The following GPATCH1 variants were observed in gnomAD, a reference collection of about 807,000 sequenced individuals.
GPATCH1 encodes G-patch domain containing 1, also known as G patch domain-containing protein 1.
In GPATCH1, 73 loss-of-function variants were observed where a neutral mutation model predicts 114.9. The observed-to-expected ratio is 0.64, with a 90% CI of 0.53 to 0.77. GPATCH1 has a LOEUF of 0.77. GPATCH1 is among the 30% of genes least tolerant of loss of function. The probability of loss-of-function intolerance (pLI) is 0.00; values close to 1 mark genes in which losing one functional copy is unlikely to be tolerated. For missense variants in GPATCH1, 1,058 were observed against 1,144.3 expected (o/e 0.92, Z 1.09); for synonymous variants, 391 against 428.4 (o/e 0.91, Z 1.08).
chr19:33,110,501 A>G (rs1200879366), intron 11 of GPATCH1, among the ~76,000 whole-genome samples: 2 of 152,212 alleles, frequency 1.3e-5, no homozygotes, highest in East Asian at 1.9e-4. Flanking sequence ...GAATGAGGAA[A>G]GGGGTTGCTG....
Position 33,093,520 on chromosome 19 carries a change from G to A in GPATCH1, c.455+1G>A. ...TTGATGACCTCATAACGCCAGCAAA[G>A]TGAGCATTTCCTTCTGACTGTCATG... is the stretch of plus-strand genomic sequence containing the variant. On this transcript the variant is annotated splice_donor_variant, in intron 4 of 19. Coordinates refer to ENST00000170564, the MANE Select transcript of GPATCH1 (RefSeq NM_018025.3). LOFTEE classifies it high-confidence loss of function. 1 of 1,610,230 alleles carries A rather than the reference G, an allele frequency of 6.2e-7. No homozygotes were observed. The highest frequency in any genetic ancestry group is 1.1e-5 in the South Asian group (1 of 90,364).
At chr19:33,083,861 A>T (rs951344889) in intron 1 of GPATCH1, among the ~76,000 whole-genome samples, 3 of 151,158 alleles carry the variant, frequency 2.0e-5, no homozygotes, top group Non-Finnish European at 4.4e-5. Context: ...CCAGGCTGGC[A>T]TGCAATGGTG....
At position 33,126,710 on chromosome 19, in the gene GPATCH1, G is replaced by A. The variant is rs924513783; in HGVS notation, c.2742G>A (p.Val914=). ...AGAGTGACGAGGAAACCGCAGACGT[G>A]TCGCCCCAGGAGCTGCTGAGACGGT... is the stretch of plus-strand genomic sequence containing the variant. ...DSQSDEETAD[V]SPQELLRRLK... The change falls in exon 19 of 20, where the codon GTG becomes GTA. Residue 914 remains valine (V), a synonymous_variant. Coordinates refer to ENST00000170564, the MANE Select transcript of GPATCH1 (RefSeq NM_018025.3). 6.2e-7 allele frequency: 1 copy of A among 1,613,524 alleles called. No individual in the cohort carries two copies. The highest frequency in any genetic ancestry group is 8.5e-7 in the Non-Finnish European group (1 of 1,179,942).
chr19:33,084,053 G>T (rs1383231369), intron 1 of GPATCH1, among the ~76,000 whole-genome samples: 2 of 151,636 alleles, frequency 1.3e-5, no homozygotes, highest in Non-Finnish European at 2.9e-5. Context: ...CAGGTGATCT[G>T]CCTGCCTCGG....
In GPATCH1 at chr19:33,112,573, C is replaced by A; in HGVS notation, c.1852C>A (p.Leu618Ile). 6.2e-7 allele frequency: 1 copy of A among 1,613,744 alleles called. No individual in the cohort carries two copies. The highest frequency in any genetic ancestry group is 8.5e-7 in the Non-Finnish European group (1 of 1,179,744). The stretch of plus-strand genomic sequence containing the variant: ...CACGTTTGAGTGGCACCCTGACAAG[C>A]TTCTATGTAAGAGATTTAATGTCCC... ...RDTFEWHPDKLLCKRFNVPDP... is the reference protein window; with the variant it reads ...RDTFEWHPDKILCKRFNVPDP... Residue 618 changes from leucine to isoleucine, a missense_variant, in exon 13 of 20, where the codon CTT becomes ATT. Coordinates refer to ENST00000170564, the MANE Select transcript of GPATCH1 (RefSeq NM_018025.3).
Position 33,125,065 on chromosome 19 carries a change from G to A in GPATCH1, c.2522-40G>A, listed in dbSNP as rs199838606. 1,762 of 1,561,396 alleles carry A rather than the reference G, an allele frequency of 1.1e-3. 4 individuals carry two copies. Among genetic ancestry groups the A allele is most frequent in the Non-Finnish European group, 1.4e-3 (1,669 of 1,153,148 alleles). On this transcript the variant is annotated intron_variant, in intron 17 of 19. Coordinates refer to ENST00000170564, the MANE Select transcript of GPATCH1 (RefSeq NM_018025.3). ...TTAGTTTTGGATAGTCTTTGTTTTCGTGCTATATAGGTCCTGTGTTTATTA... is the reference window on the plus strand; with the variant it reads ...TTAGTTTTGGATAGTCTTTGTTTTCATGCTATATAGGTCCTGTGTTTATTA...
rs552756585 is a variant in GPATCH1 at position 33,095,691 on chromosome 19, C to T, written c.554-71C>T. 6.3e-5 allele frequency: 65 copies of T among 1,030,442 alleles called. No homozygotes were observed. The Middle Eastern group carries it at 8.2e-4, about 13-fold the overall frequency. 63.8% of individuals were successfully genotyped at this position (1,030,442 alleles called of 1,614,324 possible). On this transcript the variant is annotated intron_variant, in intron 5 of 19. Transcript: ENST00000170564. ...TGCTGGGATTACAGGTGTGATCCAC[C>T]GCGCCCGGCCTGGTCGGGGTTTTCT...
chr19:33,110,292 T>C (rs1464700984), intron 11 of GPATCH1, among the ~76,000 whole-genome samples: 5 of 152,222 alleles, frequency 3.3e-5, no homozygotes, highest in Non-Finnish European at 7.3e-5. Flanking sequence ...GTTTGGTGTT[T>C]GCAAGTGCTT....
intron 19 of GPATCH1, 140 bp from the exon 20 acceptor site, chr19:33,129,989 TG>T (rs1973084999): frequency 1.7e-6 from 1 of 585,440 alleles, no homozygotes; most frequent in Admixed American, 3.0e-5. Flanking sequence ...TACTTCATTG[TG>T]GGTTATTGTG....
At chr19:33,100,586 CAAAAAAA>C (rs10609716) in intron 8 of GPATCH1, among the ~76,000 whole-genome samples, 1 of 62,198 alleles carries the variant, frequency 1.6e-5, no homozygotes, top group Non-Finnish European at 3.2e-5. Flanking sequence ...GACTCCATCT[CAAAAAAA>C]AAAAAAAAAA....
chr19:33,086,711 C>T (rs1014229479), intron 1 of GPATCH1, among the ~76,000 whole-genome samples: 1 of 152,180 alleles, frequency 6.6e-6, no homozygotes, highest in Admixed American at 6.6e-5. Context: ...CCGCCTCAGC[C>T]TCTCAAAGTG....
intron 5 of GPATCH1, 30 bp from the exon 6 acceptor site, chr19:33,095,732 T>C (rs988092534): frequency 8.5e-6 from 13 of 1,524,428 alleles, no homozygotes; most frequent in Non-Finnish European, 1.2e-5. Flanking sequence ...TAGTCACTCA[T>C]GACTATTGCA....
intron 9 of GPATCH1, among the ~76,000 whole-genome samples, chr19:33,103,389 G>T (rs1375567734): frequency 1.3e-5 from 2 of 152,106 alleles, no homozygotes; most frequent in Non-Finnish European, 2.9e-5. Context: ...GAAAATGCAG[G>T]TGTTTTACAT....
In GPATCH1 at chr19:33,081,198, C is replaced by A. The variant is rs535591203; in HGVS notation, c.5C>A (p.Ala2Glu). 308 of 1,551,128 alleles carry A rather than the reference C, an allele frequency of 2.0e-4. 1 individual carries two copies. In the South Asian group the frequency reaches 3.5e-3, roughly 18 times the overall value. Reference sequence around the variant, plus strand: ...GGCGGGGCCCGGAAGAGCAGGATGGCGGCGCGGGACAGTGACAGCGAAGAA... The same window carrying A: ...GGCGGGGCCCGGAAGAGCAGGATGGAGGCGCGGGACAGTGACAGCGAAGAA... M[A>E]ARDSDSEEDL... is the part of the protein sequence containing the mutation. Residue 2 changes from alanine (A) to glutamate (E), a missense_variant, in exon 1 of 20, where the codon GCG becomes GAG. Ala to Glu is a moderately radical substitution (Grantham distance 107, BLOSUM62 -1). Coordinates refer to ENST00000170564, the MANE Select transcript of GPATCH1 (RefSeq NM_018025.3).
At chr19:33,081,443 G>C (rs974475417) in intron 1 of GPATCH1, among the ~76,000 whole-genome samples, 177 bp downstream of exon 1, 1 of 152,214 alleles carries the variant, frequency 6.6e-6, no homozygotes, top group Non-Finnish European at 1.5e-5. Context: ...CAGCGACAGA[G>C]AGAGGTTTAC....
chr19:33,095,705 T>C, intron 5 of GPATCH1, 57 bp from the exon 6 acceptor site: 2 of 1,220,088 alleles, frequency 1.6e-6, no homozygotes, highest in Non-Finnish European at 2.4e-6. Context: ...CCCGGCCTGG[T>C]CGGGGTTTTC....
At chr19:33,104,281 A>T (rs1972758660) in intron 9 of GPATCH1, among the ~76,000 whole-genome samples, 1 of 146,768 alleles carries the variant, frequency 6.8e-6, no homozygotes, top group African/African-American at 2.6e-5. Context: ...TCCAGGCTGC[A>T]GTGAGCTGTG....
chr19:33,120,402 G>C (rs2145337108), intron 17 of GPATCH1, among the ~76,000 whole-genome samples: 1 of 146,608 alleles, frequency 6.8e-6, no homozygotes, highest in Admixed American at 6.9e-5. Flanking sequence ...AATTAGCCAG[G>C]CATGGTGGTG....
At chr19:33,109,292 G>A (rs1223774608) in intron 10 of GPATCH1, among the ~76,000 whole-genome samples, 1 of 152,154 alleles carries the variant, frequency 6.6e-6, no homozygotes, top group East Asian at 1.9e-4. Context: ...CGAGGCGGGT[G>A]GATCACCTGA....
Sources: allele counts gnomAD v4.1 joint callset (sites outside exome capture counted in the v4.1 genomes callset), GRCh38; gene constraint gnomAD v4.1.1; transcripts MANE v1.5; gene names NCBI Gene and HGNC (gene_info 2026-07-23, HGNC 2026-07-21).